SEMA6A: variants seen among roughly 807,000 people sequenced by gnomAD.
The protein encoded by SEMA6A is semaphorin 6A, also known as semaphorin-6A.
A neutral mutation model predicts 96.8 loss-of-function variants in SEMA6A; 25 were observed. The observed-to-expected ratio is 0.26, with a 90% CI of 0.19 to 0.36. The LOEUF is 0.36. SEMA6A is among the 10% of genes least tolerant of loss of function. The probability of loss-of-function intolerance (pLI) is 1.00; values close to 1 mark genes in which losing one functional copy is unlikely to be tolerated. For synonymous variants in SEMA6A, 612 were observed against 518.0 expected (o/e 1.18, Z -2.46); for missense variants, 1,363 against 1,323.1 (o/e 1.03, Z -0.47).
chr5:116,537,669 G>T (rs1759775968), intron 1 of SEMA6A, among the ~76,000 whole-genome samples: 1 of 152,164 alleles, frequency 6.6e-6, no homozygotes, highest in East Asian at 1.9e-4. Context: ...ATAAATGTTG[G>T]TGACTACGCT....
intron 1 of SEMA6A, among the ~76,000 whole-genome samples, chr5:116,556,006 G>A (rs1001082255): frequency 3.9e-5 from 6 of 152,030 alleles, no homozygotes; most frequent in Non-Finnish European, 8.8e-5. Flanking sequence ...TTATGACCTC[G>A]GAGTTTCTTC....
At chr5:116,522,232 A>G (rs1215910006) in intron 1 of SEMA6A, among the ~76,000 whole-genome samples, 2 of 150,196 alleles carry the variant, frequency 1.3e-5, no homozygotes, top group Non-Finnish European at 2.9e-5. Context: ...TTTATTGACA[A>G]TATTTTTCTT....
At chr5:116,520,544 G>T (rs1175374956) in intron 1 of SEMA6A, among the ~76,000 whole-genome samples, 2 of 152,148 alleles carry the variant, frequency 1.3e-5, no homozygotes, top group African/African-American at 4.8e-5. Context: ...GATGCAAGGG[G>T]CAGAGACTGG....
At chr5:116,469,664 T>G (rs761049609) in intron 17 of SEMA6A, 27 of 152,352 alleles carry the variant, frequency 1.8e-4, no homozygotes, top group Middle Eastern at 3.4e-3. Context: ...TTAACTGTGT[T>G]CAAGAGGCAA....
intron 1 of SEMA6A, among the ~76,000 whole-genome samples, chr5:116,561,073 C>G (rs2112904638): frequency 6.6e-6 from 1 of 152,238 alleles, no homozygotes; most frequent in East Asian, 1.9e-4. Context: ...CTTGTCCACA[C>G]CCTTCCCTTA....
intron 18 of SEMA6A, among the ~76,000 whole-genome samples, chr5:116,465,894 G>A (rs565071739): frequency 2.0e-5 from 3 of 152,062 alleles, no homozygotes; most frequent in Admixed American, 1.3e-4. Flanking sequence ...TGAGAATACA[G>A]TCAGGACTAG....
intron 3 of SEMA6A, among the ~76,000 whole-genome samples, chr5:116,500,547 T>C (rs1382850132): frequency 6.6e-6 from 1 of 152,214 alleles, no homozygotes; most frequent in African/African-American, 2.4e-5. Flanking sequence ...TATTTGGACA[T>C]TGCTTCCTGT....
chr5:116,482,402 A>G, intron 11 of SEMA6A, 42 bp downstream of exon 11: 17 of 1,593,536 alleles, frequency 1.1e-5, no homozygotes, highest in Non-Finnish European at 1.5e-5. Context: ...AAGCTTTGCC[A>G]TTTCTAAAGT....
At chr5:116,531,312 C>T (rs1046863698) in intron 1 of SEMA6A, among the ~76,000 whole-genome samples, 4 of 152,124 alleles carry the variant, frequency 2.6e-5, no homozygotes, top group South Asian at 2.1e-4. Context: ...ATGACTACAA[C>T]ACAAAGTAAA....
chr5:116,450,087 T>C (rs1016480331), intron 18 of SEMA6A, among the ~76,000 whole-genome samples: 1 of 152,220 alleles, frequency 6.6e-6, no homozygotes, highest in Non-Finnish European at 1.5e-5. Context: ...CTGATTTTTC[T>C]TCAATTTTGA....
intron 18 of SEMA6A, among the ~76,000 whole-genome samples, chr5:116,459,021 C>A (rs919501566): frequency 2.0e-5 from 3 of 152,138 alleles, no homozygotes; most frequent in Admixed American, 6.6e-5. Flanking sequence ...ATATAGATTC[C>A]TTTTCTCGTA....
intron 18 of SEMA6A, among the ~76,000 whole-genome samples, chr5:116,454,084 T>C (rs1754829130): frequency 6.6e-6 from 1 of 152,128 alleles, no homozygotes; most frequent in Non-Finnish European, 1.5e-5. Flanking sequence ...TGCTGTGATA[T>C]GATGGATGTG....
intron 1 of SEMA6A, among the ~76,000 whole-genome samples, chr5:116,538,089 C>T (rs1323319167): frequency 6.6e-6 from 1 of 152,152 alleles, no homozygotes; most frequent in Non-Finnish European, 1.5e-5. Flanking sequence ...GCAGGGGAAT[C>T]GCTTGAACCC....
Position 116,486,789 on chromosome 5 carries a change from G to T in SEMA6A, c.922C>A (p.Arg308Ser), listed in dbSNP as rs1757070815. 2 of 1,613,716 alleles carry T rather than the reference G, an allele frequency of 1.2e-6. No individual in the cohort carries two copies. The highest frequency in any genetic ancestry group is 1.3e-5 in the African/African-American group (1 of 74,976). ...AVTDVIRINGRDVVLATFSTP... is the reference protein window; with the variant it reads ...AVTDVIRINGSDVVLATFSTP... ...GAAAACGTTGCCAGGACAACATCAC[G>T]CCCGTTGATACGAATCACATCTGTA... is the stretch of plus-strand genomic sequence containing the variant. Residue 308 changes from arginine (R) to serine (S), a missense_variant, in exon 10 of 19, where the codon CGT becomes AGT. By Grantham distance (110) the Arg-to-Ser change is moderately radical. Around this residue, in one of 2 missense-constraint regions of SEMA6A, gnomAD observed 480 missense variants for 559.5 expected, o/e 0.86. Coordinates refer to ENST00000343348, the MANE Select transcript of SEMA6A (RefSeq NM_020796.5).
chr5:116,530,128 T>C (rs925510941), intron 1 of SEMA6A, among the ~76,000 whole-genome samples: 1 of 152,240 alleles, frequency 6.6e-6, no homozygotes, highest in Non-Finnish European at 1.5e-5. Flanking sequence ...AAAGTGGCTA[T>C]AATTCAATAT....
At position 116,496,336 on chromosome 5, in the gene SEMA6A, C is replaced by A. The variant is rs757691704; in HGVS notation, c.280-23G>T. ...TTTCTGCAGGGATCAAGAAAGAAAT[C>A]AATTAGAGCCCAGAGGTTGTTGCGT... is the stretch of plus-strand genomic sequence containing the variant. On this transcript the variant is annotated intron_variant, in intron 4 of 18. Coordinates refer to ENST00000343348, the MANE Select transcript of SEMA6A (RefSeq NM_020796.5). The A allele has an allele frequency of 2.5e-6, 4 of 1,607,068 alleles. No homozygotes were observed. The South Asian group carries it at 4.4e-5, about 18-fold the overall frequency.
At chr5:116,517,752 C>T (rs1758736373) in intron 1 of SEMA6A, among the ~76,000 whole-genome samples, 1 of 152,200 alleles carries the variant, frequency 6.6e-6, no homozygotes. Flanking sequence ...GAAGTGACTG[C>T]CTCCCCAGGC....
chr5:116,536,830 T>C (rs183655106), intron 1 of SEMA6A, among the ~76,000 whole-genome samples: 2,237 of 129,408 alleles, frequency 0.017, 18 homozygotes, highest in Middle Eastern at 0.064. Context: ...CTCTGAATGG[T>C]CGAAAAGCTT....
At chr5:116,562,627 C>T (rs147486703) in intron 1 of SEMA6A, 17 of 688,094 alleles carry the variant, frequency 2.5e-5, no homozygotes, top group Admixed American at 2.0e-4. Flanking sequence ...AGGTGGCTGA[C>T]GGAGAAAACA....
Sources: allele counts gnomAD v4.1 joint callset (sites outside exome capture counted in the v4.1 genomes callset), GRCh38; gene constraint gnomAD v4.1.1; regional missense constraint gnomAD v4.1.1; transcripts MANE v1.5; gene names NCBI Gene and HGNC (gene_info 2026-07-23, HGNC 2026-07-21).